CEP128: variants seen among roughly 807,000 people sequenced by gnomAD.
CEP128 encodes centrosomal protein 128, also known as centrosomal protein 128kDa.
A neutral mutation model predicts 156.7 loss-of-function variants in CEP128; 132 were observed. That is an observed-to-expected ratio of 0.84 (90% CI 0.73 to 0.97). The LOEUF (loss-of-function observed/expected upper bound fraction) is 0.97. Ranked by LOEUF, CEP128 falls within the 50% of genes least tolerant of loss-of-function variation. The probability of loss-of-function intolerance (pLI) is 0.00; values close to 1 mark genes in which losing one functional copy is unlikely to be tolerated. For missense variants in CEP128, 1,252 were observed against 1,281.9 expected (o/e 0.98, Z 0.36); for synonymous variants, 469 against 448.9 (o/e 1.04, Z -0.57).
intron 21 of CEP128, among the ~76,000 whole-genome samples, chr14:80,552,999 G>A (rs750271949): frequency 5.3e-5 from 8 of 151,568 alleles, no homozygotes; most frequent in Non-Finnish European, 7.4e-5. Flanking sequence ...CGGTTCCAGG[G>A]TTATGAAAAT....
intron 9 of CEP128, among the ~76,000 whole-genome samples, chr14:80,854,172 A>C (rs1045005899): frequency 1.3e-5 from 2 of 152,170 alleles, no homozygotes; most frequent in African/African-American, 4.8e-5. Flanking sequence ...CAGATGGCAA[A>C]AACTTAAAGA....
At chr14:80,925,024 G>A (rs920712916) in intron 2 of CEP128, among the ~76,000 whole-genome samples, 7 of 152,086 alleles carry the variant, frequency 4.6e-5, no homozygotes, top group Non-Finnish European at 1.0e-4. Flanking sequence ...GATGGATCCT[G>A]AACTATTAAA....
chr14:80,851,209 A>G (rs979905159), intron 9 of CEP128, among the ~76,000 whole-genome samples: 44 of 152,160 alleles, frequency 2.9e-4, no homozygotes, highest in African/African-American at 1.1e-3. Context: ...GGTAAACGAG[A>G]TGCACAAAGC....
intron 19 of CEP128, among the ~76,000 whole-genome samples, chr14:80,657,745 G>C (rs1026795564): frequency 1.3e-5 from 2 of 152,076 alleles, no homozygotes; most frequent in Non-Finnish European, 1.5e-5. Context: ...ATTAATACTA[G>C]AGAACAAATG....
chr14:80,673,881 C>T (rs1895958003), intron 19 of CEP128, among the ~76,000 whole-genome samples: 1 of 151,784 alleles, frequency 6.6e-6, no homozygotes, highest in Non-Finnish European at 1.5e-5. Context: ...GCTATCTTCA[C>T]TGCAGAAATA....
chr14:80,727,641 T>C (rs527449555), intron 19 of CEP128, among the ~76,000 whole-genome samples: 1 of 152,166 alleles, frequency 6.6e-6, no homozygotes, highest in African/African-American at 2.4e-5. Flanking sequence ...AAAGGTCCAA[T>C]ATCAACAATC....
chr14:80,873,750 C>A (rs1888142572), intron 8 of CEP128, among the ~76,000 whole-genome samples: 1 of 152,100 alleles, frequency 6.6e-6, no homozygotes, highest in South Asian at 2.1e-4. Context: ...ATGGGAGAAA[C>A]CCAGTGGCAG....
intron 19 of CEP128, among the ~76,000 whole-genome samples, chr14:80,664,296 G>A (rs1895523922): frequency 6.6e-6 from 1 of 152,086 alleles, no homozygotes; most frequent in Non-Finnish European, 1.5e-5. Context: ...ACAGAGTTCA[G>A]GTCAAACTCA....
chr14:80,734,191 A>C (rs1368450586), intron 19 of CEP128, among the ~76,000 whole-genome samples: 5 of 152,208 alleles, frequency 3.3e-5, no homozygotes, highest in Admixed American at 3.3e-4. Context: ...ACTGCTACAA[A>C]GGACAACTAC....
chr14:80,484,399 C>A (rs1358560875), intron 14 of CEP128, among the ~76,000 whole-genome samples: 1 of 152,210 alleles, frequency 6.6e-6, no homozygotes. Flanking sequence ...CCAAGACCTA[C>A]TTGGGTTATC....
At chr14:80,742,748 A>C in intron 19 of CEP128, 1 of 260,812 alleles carries the variant, frequency 3.8e-6, no homozygotes, top group Non-Finnish European at 7.4e-6. Flanking sequence ...TGGGCACAAA[A>C]TATGTATTGA....
chr14:80,785,297 G>A lies in CEP128; in HGVS notation c.1809C>T (p.Ser603=), dbSNP rs751143500. ...AGTGAGCTTTCTCAACTTTCATCTG[G>A]CTTTGGATCTTACTCTGCTTTTTCA... ...SELKKQSKIQ[S]QMKVEKAHLE... The change falls in exon 15 of 25, where the codon AGC becomes AGT. Residue 603 remains serine, a synonymous_variant. Coordinates refer to ENST00000555265, the MANE Select transcript of CEP128 (RefSeq NM_152446.5). The A allele has an allele frequency of 6.2e-6, 10 of 1,614,054 alleles. No individual in the cohort carries two copies. The Admixed American group carries it at 1.2e-4, about 19-fold the overall frequency.
At chr14:80,944,563 C>T (rs1018989375), upstream of CEP128, among the ~76,000 whole-genome samples, 1 of 152,132 alleles carries the variant, frequency 6.6e-6, no homozygotes, top group Non-Finnish European at 1.5e-5. Flanking sequence ...TGGCTCACGC[C>T]TGTAATCCCA....
intron 19 of CEP128, among the ~76,000 whole-genome samples, chr14:80,591,669 A>G (rs1477395044): frequency 1.3e-5 from 2 of 152,182 alleles, no homozygotes; most frequent in African/African-American, 2.4e-5. Context: ...ACAGACATCT[A>G]CAGAACTCTC....
chr14:80,807,647 A>G (rs115767408), intron 13 of CEP128, among the ~76,000 whole-genome samples: 498 of 152,202 alleles, frequency 3.3e-3, no homozygotes, highest in African/African-American at 0.011. Context: ...AACACTGGAG[A>G]GCTCCTTTAT....
intron 19 of CEP128, among the ~76,000 whole-genome samples, chr14:80,643,676 C>T (rs1375536819): frequency 6.6e-6 from 1 of 151,306 alleles, no homozygotes; most frequent in Admixed American, 6.6e-5. Flanking sequence ...CGCCACTGCA[C>T]TCTAACCTGG....
At chr14:80,724,433 T>G (rs1173473413) in intron 19 of CEP128, among the ~76,000 whole-genome samples, 5 of 152,158 alleles carry the variant, frequency 3.3e-5, no homozygotes, top group Admixed American at 3.3e-4. Context: ...AATCTGGAAT[T>G]GTTTTAAGTA....
At chr14:80,716,916 C>T (rs1897628192) in intron 19 of CEP128, among the ~76,000 whole-genome samples, 1 of 152,142 alleles carries the variant, frequency 6.6e-6, no homozygotes, top group African/African-American at 2.4e-5. Flanking sequence ...TTTATTATAG[C>T]TGTCCTGGTG....
At chr14:80,795,636 C>T (rs1831670381) in intron 13 of CEP128, among the ~76,000 whole-genome samples, 1 of 152,136 alleles carries the variant, frequency 6.6e-6, no homozygotes, top group African/African-American at 2.4e-5. Context: ...CCCAGAAAGT[C>T]TTCCACATGC....
Sources: allele counts gnomAD v4.1 joint callset (sites outside exome capture counted in the v4.1 genomes callset), GRCh38; gene constraint gnomAD v4.1.1; transcripts MANE v1.5; gene names NCBI Gene and HGNC (gene_info 2026-07-23, HGNC 2026-07-21).